The following FRMPD4 variants were observed in gnomAD, a reference collection of about 807,000 sequenced individuals.
The protein encoded by FRMPD4 is FERM and PDZ domain-containing protein 4.
In FRMPD4, 22 loss-of-function variants were observed where a neutral mutation model predicts 94.1. That is an observed-to-expected ratio of 0.23 (90% CI 0.17 to 0.33). The LOEUF is 0.33. Among genes scored for constraint, FRMPD4 ranks in the 10% least tolerant of loss-of-function variants. The probability of loss-of-function intolerance (pLI) is 1.00; values close to 1 mark genes in which losing one functional copy is unlikely to be tolerated. For synonymous variants in FRMPD4, 631 were observed against 548.6 expected (o/e 1.15, Z -2.10); for missense variants, 1,111 against 1,339.9 (o/e 0.83, Z 2.67).
intron 3 of FRMPD4, among the ~76,000 whole-genome samples, chrX:12,000,341 T>C (rs1399727627): frequency 4.5e-5 from 5 of 112,071 alleles, no homozygotes; most frequent in African/African-American, 6.5e-5. Flanking sequence ...AAGAAGCATA[T>C]CTGTATTTCA....
At chrX:12,629,641 C>T (rs968127873) in intron 4 of FRMPD4, among the ~76,000 whole-genome samples, 1 of 112,283 alleles carries the variant, frequency 8.9e-6, no homozygotes, top group Non-Finnish European at 1.9e-5. Context: ...TTGTCCTCAT[C>T]AAGGTTATTA....
chrX:12,136,436 G>A (rs1248063077), upstream of FRMPD4, among the ~76,000 whole-genome samples: 2 of 111,147 alleles, frequency 1.8e-5, no homozygotes, highest in African/African-American at 3.3e-5. Context: ...ATAGGGACTC[G>A]GAGTCCAGGG....
At chrX:12,537,426 G>A (rs890234815) in intron 2 of FRMPD4, among the ~76,000 whole-genome samples, 4 of 105,244 alleles carry the variant, frequency 3.8e-5, no homozygotes, top group Non-Finnish European at 7.8e-5. Flanking sequence ...AAGTATATGT[G>A]TATTCCAACA....
At chrX:11,832,770 C>T (rs2053482385) in intron 1 of FRMPD4, among the ~76,000 whole-genome samples, 1 of 111,936 alleles carries the variant, frequency 8.9e-6, no homozygotes, top group African/African-American at 3.2e-5. Context: ...TGCACACAGG[C>T]ACAGACTCCT....
At chrX:12,551,139 T>C (rs2058533258) in intron 2 of FRMPD4, among the ~76,000 whole-genome samples, 1 of 110,716 alleles carries the variant, frequency 9.0e-6, no homozygotes, top group Admixed American at 9.7e-5. Context: ...AATACTATAG[T>C]TTTAGAAATA....
chrX:12,637,305 T>C (rs1415956823), intron 4 of FRMPD4, among the ~76,000 whole-genome samples: 1 of 112,185 alleles, frequency 8.9e-6, no homozygotes, highest in Non-Finnish European at 1.9e-5. Context: ...AAATAACATT[T>C]AAAGATATTT....
chrX:12,075,721 A>G (rs1490194746), intron 3 of FRMPD4, among the ~76,000 whole-genome samples: 1 of 112,001 alleles, frequency 8.9e-6, no homozygotes, highest in Admixed American at 9.5e-5. Context: ...GACTTTATTT[A>G]TAACAGCAAA....
intron 1 of FRMPD4, among the ~76,000 whole-genome samples, chrX:12,304,779 C>T (rs1042357745): frequency 8.9e-6 from 1 of 111,752 alleles, no homozygotes; most frequent in African/African-American, 3.3e-5. Context: ...AATATAGATG[C>T]CTGGTGCATG....
At chrX:12,549,751 G>C (rs1229030746) in intron 2 of FRMPD4, among the ~76,000 whole-genome samples, 1 of 112,253 alleles carries the variant, frequency 8.9e-6, no homozygotes, top group African/African-American at 3.2e-5. Flanking sequence ...TCTAACAAAA[G>C]CTCTGTGAAA....
chrX:12,581,448 A>AAAT (rs5901479), intron 2 of FRMPD4, among the ~76,000 whole-genome samples: 1 of 110,332 alleles, frequency 9.1e-6, no homozygotes, highest in South Asian at 3.8e-4. Context: ...TAGAACTGAA[A>AAAT]GATATCTGAA....
intron 2 of FRMPD4, among the ~76,000 whole-genome samples, chrX:12,546,602 T>A (rs2058479375): frequency 8.9e-6 from 1 of 112,150 alleles, no homozygotes; most frequent in Non-Finnish European, 1.9e-5. Context: ...TACTCTTCTA[T>A]AATGTTAAAA....
chrX:12,513,355 AC>A (rs1403658434), intron 2 of FRMPD4, among the ~76,000 whole-genome samples: 2 of 111,868 alleles, frequency 1.8e-5, no homozygotes, highest in Non-Finnish European at 3.8e-5. Flanking sequence ...TTTGTGTTTT[AC>A]ATTTAAGTCT....
intron 2 of FRMPD4, among the ~76,000 whole-genome samples, chrX:12,550,238 A>G (rs1488414636): frequency 9.0e-6 from 1 of 111,381 alleles, no homozygotes; most frequent in Non-Finnish European, 1.9e-5. Context: ...GCAGGTATGT[A>G]GATAGAGGCC....
intron 2 of FRMPD4, among the ~76,000 whole-genome samples, chrX:12,602,003 A>G (rs947510575): frequency 1.4e-4 from 16 of 111,579 alleles, no homozygotes; most frequent in African/African-American, 4.9e-4. Flanking sequence ...ATCACCCCTA[A>G]GGCAAGAGTC....
chrX:12,162,324 A>G (rs2056039737), intron 1 of FRMPD4, among the ~76,000 whole-genome samples: 1 of 112,285 alleles, frequency 8.9e-6, no homozygotes, highest in Non-Finnish European at 1.9e-5. Context: ...TCCACTTTGT[A>G]CCACACAATA....
intron 4 of FRMPD4, among the ~76,000 whole-genome samples, chrX:12,616,459 A>G (rs1402283133): frequency 8.9e-6 from 1 of 111,969 alleles, no homozygotes; most frequent in Non-Finnish European, 1.9e-5. Context: ...CAGTCACTCT[A>G]CTTCAGTCTG....
rs150811153 is a variant in FRMPD4 at position 11,877,579 on chromosome X, A to G, written c.-29-316A>G. Among the ~76,000 whole-genome samples the G allele has an allele frequency of 2.0e-3, 221 of 111,984 alleles. 1 individual carries two copies. Among genetic ancestry groups the G allele is most frequent in the African/African-American group, 6.6e-3 (203 of 30,871 alleles). ...TCTTGCTGTTGACTTGTCCATTTTT[A>G]TGTTCCATGTCAGACCTAATTGCTG... is the stretch of plus-strand genomic sequence containing the variant. On this transcript the variant is annotated intron_variant, in intron 2 of 18. Transcript: ENST00000640291.
At chrX:12,448,363 C>A (rs1319172253) in intron 1 of FRMPD4, among the ~76,000 whole-genome samples, 9 of 111,340 alleles carry the variant, frequency 8.1e-5, no homozygotes, top group Admixed American at 7.6e-4. Context: ...AAACAAAAAC[C>A]AAAAACAAAC....
At chrX:12,474,541 C>T (rs1418201107) in intron 1 of FRMPD4, among the ~76,000 whole-genome samples, 4 of 111,058 alleles carry the variant, frequency 3.6e-5, no homozygotes, top group Non-Finnish European at 7.6e-5. Context: ...TTGAAACGAT[C>T]AACAAAACTG....
Sources: gnomAD v4.1 joint callset for allele counts (sites outside exome capture counted in the v4.1 genomes callset) on GRCh38, gnomAD v4.1.1 for gene constraint, MANE v1.5 for transcripts, NCBI Gene and HGNC (gene_info 2026-07-23, HGNC 2026-07-21) for gene names.